The following MORN5 variants were observed in gnomAD, a reference collection of about 807,000 sequenced individuals.
MORN5 encodes MORN repeat containing 5.
In MORN5, 21 loss-of-function variants were observed where a neutral mutation model predicts 22.1. The ratio of observed to expected loss-of-function variants is 0.95; its 90% confidence interval spans 0.67 to 1.37. The LOEUF (loss-of-function observed/expected upper bound fraction) is 1.37, where lower values mean the gene tolerates loss of function less well. MORN5 is among the 40% of genes most tolerant of loss of function. The pLI, the probability that MORN5 is intolerant of heterozygous loss-of-function variation, is 0.00. For synonymous variants in MORN5, 73 were observed against 74.0 expected, an observed-to-expected ratio of 0.99 and a Z score of 0.07; for missense variants, 211 against 215.1, an observed-to-expected ratio of 0.98 and a Z score of 0.12.
intron 4 of MORN5, among the ~76,000 whole-genome samples, chr9:122,187,705 G>C (rs1409663725): frequency 6.6e-6 from 1 of 152,170 alleles, no homozygotes; most frequent in Non-Finnish European, 1.5e-5. Context: ...AAAAAGCACA[G>C]GAAGCAGTCC....
At chr9:122,196,146 A>G (rs1403752090) in intron 4 of MORN5, among the ~76,000 whole-genome samples, 2 of 151,220 alleles carry the variant, frequency 1.3e-5, no homozygotes, top group Admixed American at 1.3e-4. Flanking sequence ...TTTTGCAGAG[A>G]GGAGGTTTTG....
intron 4 of MORN5, among the ~76,000 whole-genome samples, chr9:122,178,508 G>A (rs1047687681): frequency 2.0e-5 from 3 of 151,996 alleles, no homozygotes; most frequent in African/African-American, 4.8e-5. Flanking sequence ...AAAACAAAAT[G>A]TGCATATAGA....
At chr9:122,167,616 C>T (rs2118744566) in intron 2 of MORN5, among the ~76,000 whole-genome samples, 1 of 152,270 alleles carries the variant, frequency 6.6e-6, no homozygotes, top group African/African-American at 2.4e-5. Context: ...GCATCTGTTA[C>T]ACCACTTACT....
intron 3 of MORN5, among the ~76,000 whole-genome samples, chr9:122,170,835 G>A (rs1033880095): frequency 6.6e-5 from 10 of 152,298 alleles, no homozygotes; most frequent in Admixed American, 3.9e-4. Context: ...GCCTCAAGAC[G>A]AGGGGAGGAG....
At chr9:122,165,938 A>G (rs1829269479) in intron 1 of MORN5, among the ~76,000 whole-genome samples, 1 of 152,136 alleles carries the variant, frequency 6.6e-6, no homozygotes, top group African/African-American at 2.4e-5. Flanking sequence ...TGCTGTAAGG[A>G]CATAACCAAA....
Position 122,169,729 on chromosome 9 carries a change from G to A in MORN5, c.280G>A (p.Glu94Lys). The A allele has an allele frequency of 6.2e-7, 1 of 1,613,974 alleles. No homozygotes were observed. The highest frequency in any genetic ancestry group is 1.1e-5 in the South Asian group (1 of 91,082). ...CDGYDRRFYT[E>K]ILNGLKPAGM... ...CGGCTATGATCGGAGGTTTTACACA[G>A]AGATCCTCAATGGCTTGAAGCCTGC... The change falls in exon 3 of 5, where the codon GAG becomes AAG. Residue 94 changes from glutamate to lysine, a missense_variant. By Grantham distance (56) the Glu-to-Lys change is moderately conservative (BLOSUM62 1). Coordinates refer to ENST00000373764, the MANE Select transcript of MORN5 (RefSeq NM_198469.4).
At chr9:122,193,893 C>T (rs557652469) in intron 4 of MORN5, among the ~76,000 whole-genome samples, 13 of 152,320 alleles carry the variant, frequency 8.5e-5, no homozygotes, top group South Asian at 4.1e-4. Context: ...GGGAGGGAAG[C>T]AGGCCTGGGA....
intron 4 of MORN5, among the ~76,000 whole-genome samples, chr9:122,179,133 T>C (rs567721004): frequency 6.6e-6 from 1 of 152,220 alleles, no homozygotes; most frequent in African/African-American, 2.4e-5. Context: ...GGGGACAGCA[T>C]GTGCAAAAGG....
intron 4 of MORN5, among the ~76,000 whole-genome samples, chr9:122,180,426 C>T (rs887617025): frequency 2.6e-5 from 4 of 151,814 alleles, no homozygotes; most frequent in African/African-American, 7.3e-5. Context: ...GCTGGGACTA[C>T]AGGCACACAC....
Position 122,195,583 on chromosome 9 carries a change from G to A in MORN5, c.440-4302G>A, listed in dbSNP as rs193244414. On this transcript the variant is annotated intron_variant, in intron 4 of 4. Coordinates refer to ENST00000373764, the MANE Select transcript of MORN5 (RefSeq NM_198469.4). ...TTAGATTGGAGTTGTGGGTTTGGGA[G>A]GAAGATCACAGAAGTAAAGTGTCAT... Among the ~76,000 whole-genome samples, 116 of 152,224 alleles carry A rather than the reference G, an allele frequency of 7.6e-4. 1 individual carries two copies. The highest frequency in any genetic ancestry group is 1.4e-3 in the Non-Finnish European group (97 of 68,038).
chr9:122,196,727 C>T (rs117224383), intron 4 of MORN5, among the ~76,000 whole-genome samples: 2,241 of 152,322 alleles, frequency 0.015, 15 homozygotes, highest in Non-Finnish European at 0.021. Flanking sequence ...TCTCTCATCC[C>T]ACTGTGCAGG....
chr9:122,184,297 AG>A (rs765593500), intron 4 of MORN5, among the ~76,000 whole-genome samples: 21 of 152,348 alleles, frequency 1.4e-4, no homozygotes, highest in Non-Finnish European at 2.5e-4. Context: ...CTGTTGAAAA[AG>A]GCATGGGTGA....
chr9:122,165,652 G>A (rs1351374987), intron 1 of MORN5, among the ~76,000 whole-genome samples: 1 of 152,114 alleles, frequency 6.6e-6, no homozygotes, highest in Non-Finnish European at 1.5e-5. Flanking sequence ...TCCTGTATGA[G>A]CCTGTCTTCC....
chr9:122,191,315 T>C (rs747737028), intron 4 of MORN5, among the ~76,000 whole-genome samples: 3 of 152,188 alleles, frequency 2.0e-5, no homozygotes, highest in African/African-American at 7.2e-5. Flanking sequence ...TGGATGGGAA[T>C]ACACACACAC....
chr9:122,161,822 T>G (rs1380631857), intron 1 of MORN5, among the ~76,000 whole-genome samples: 1 of 152,210 alleles, frequency 6.6e-6, no homozygotes, highest in East Asian at 1.9e-4. Context: ...TGGGTTTGTG[T>G]GCTGAATCAG....
chr9:122,177,139 C>CT (rs1378430963), intron 4 of MORN5, among the ~76,000 whole-genome samples: 1 of 152,256 alleles, frequency 6.6e-6, no homozygotes, highest in Non-Finnish European at 1.5e-5. Context: ...AGCAGGGCTT[C>CT]TGCAGAGCTG....
chr9:122,163,060 T>C (rs1470608897), intron 1 of MORN5, among the ~76,000 whole-genome samples: 1 of 150,420 alleles, frequency 6.6e-6, no homozygotes, highest in South Asian at 2.1e-4. Context: ...AAAAAAAAGG[T>C]TAATGTAGTA....
chr9:122,174,860 A>C, intron 4 of MORN5: 1 of 1,338,098 alleles, frequency 7.5e-7, no homozygotes, highest in Admixed American at 3.1e-5. Flanking sequence ...CGGCACATAA[A>C]TGTCGCACTG....
intron 1 of MORN5, among the ~76,000 whole-genome samples, chr9:122,165,899 A>T (rs550968610): frequency 1.1e-3 from 169 of 152,290 alleles, no homozygotes; most frequent in African/African-American, 3.9e-3. Flanking sequence ...GAGGTTTGGG[A>T]AAGTATCTGT....
Sources: gnomAD v4.1 joint callset for allele counts (sites outside exome capture counted in the v4.1 genomes callset) on GRCh38, gnomAD v4.1.1 for gene constraint, MANE v1.5 for transcripts, NCBI Gene and HGNC (gene_info 2026-07-23, HGNC 2026-07-21) for gene names.